MATCAP2: variants seen among roughly 807,000 people sequenced by gnomAD.
The protein encoded by MATCAP2 is putative tyrosine carboxypeptidase MATCAP2.
chr7:36,390,054 T>A, the MATCAP2 span: 1 of 1,613,658 alleles, frequency 6.2e-7, no homozygotes. Context: ...GGTGAGTGAG[T>A]TTGCGGGTGC....
the MATCAP2 span, among the ~76,000 whole-genome samples, chr7:36,357,924 C>T: frequency 2.0e-5 from 3 of 152,080 alleles, no homozygotes; most frequent in Admixed American, 6.5e-5. Flanking sequence ...TTTGGCTGGG[C>T]GCAGTGGCTC....
At chr7:36,381,238 C>G in the MATCAP2 span, among the ~76,000 whole-genome samples, 3 of 152,020 alleles carry the variant, frequency 2.0e-5, no homozygotes, top group Non-Finnish European at 2.9e-5. Flanking sequence ...ATCAGGAGAC[C>G]AGGTTTGGGG....
At chr7:36,390,235 G>T in the MATCAP2 span, 1 of 858,766 alleles carries the variant, frequency 1.2e-6, no homozygotes, top group Non-Finnish European at 1.8e-6. Context: ...AGATTTTGTT[G>T]TTTCGGTCCT....
the MATCAP2 span, among the ~76,000 whole-genome samples, chr7:36,353,396 G>A: frequency 3.3e-5 from 5 of 151,938 alleles, no homozygotes; most frequent in Non-Finnish European, 1.5e-5. Flanking sequence ...TGTTGGCAAA[G>A]CTTTAGTACT....
chr7:36,326,967 A>C, the MATCAP2 span: 4 of 1,513,354 alleles, frequency 2.6e-6, no homozygotes, highest in Middle Eastern at 3.5e-4. Context: ...TACAATGTAC[A>C]TTTTAAGGAT....
chr7:36,359,322 T>A, the MATCAP2 span, among the ~76,000 whole-genome samples: 2 of 152,096 alleles, frequency 1.3e-5, no homozygotes, highest in African/African-American at 4.8e-5. Context: ...TAGGACAATC[T>A]CCCACAACAA....
At chr7:36,326,529 T>C in the MATCAP2 span, 32 of 318,020 alleles carry the variant, frequency 1.0e-4, no homozygotes, top group Non-Finnish European at 1.7e-4. Flanking sequence ...TTCATCTGAC[T>C]CTGTCGAGAT....
chr7:36,334,522 C>G, the MATCAP2 span, among the ~76,000 whole-genome samples: 1 of 112,010 alleles, frequency 8.9e-6, no homozygotes, highest in Non-Finnish European at 1.7e-5. Context: ...GGCGACAGAC[C>G]GAGATCCCAT....
chr7:36,375,664 T>A, the MATCAP2 span, among the ~76,000 whole-genome samples: 2 of 152,236 alleles, frequency 1.3e-5, no homozygotes, highest in Non-Finnish European at 1.5e-5. Context: ...GAAGGAATGG[T>A]ACCAGCTCCT....
chr7:36,366,753 C>T, the MATCAP2 span: 22 of 1,535,022 alleles, frequency 1.4e-5, no homozygotes, highest in South Asian at 2.4e-4. Flanking sequence ...CTTCCCTCCA[C>T]AGGTTTTTCG....
At chr7:36,361,524 A>G in the MATCAP2 span, among the ~76,000 whole-genome samples, 1 of 152,228 alleles carries the variant, frequency 6.6e-6, no homozygotes, top group South Asian at 2.1e-4. Flanking sequence ...TACAAACAAA[A>G]GAAAGGCCAA....
the MATCAP2 span, among the ~76,000 whole-genome samples, chr7:36,351,776 G>GA: frequency 6.6e-6 from 1 of 151,556 alleles, no homozygotes; most frequent in East Asian, 1.9e-4. Flanking sequence ...GCAAAATCCT[G>GA]TTTGTACAAA....
chr7:36,353,638 G>A, the MATCAP2 span, among the ~76,000 whole-genome samples: 2 of 151,702 alleles, frequency 1.3e-5, no homozygotes, highest in Non-Finnish European at 2.9e-5. Flanking sequence ...CCACCACCAC[G>A]CCCAGCTAAT....
the MATCAP2 span, among the ~76,000 whole-genome samples, chr7:36,379,059 T>C: frequency 6.6e-6 from 1 of 152,236 alleles, no homozygotes; most frequent in African/African-American, 2.4e-5. Flanking sequence ...ACTTCCTGGG[T>C]GAGGTGATGC....
the MATCAP2 span, among the ~76,000 whole-genome samples, chr7:36,347,605 CA>C: frequency 6.6e-6 from 1 of 152,304 alleles, no homozygotes; most frequent in South Asian, 2.1e-4. Context: ...ATTTACCCCA[CA>C]GAGTTGTGAA....
chr7:36,357,246 C>T, the MATCAP2 span: 2 of 1,614,130 alleles, frequency 1.2e-6, no homozygotes, highest in Admixed American at 1.7e-5. Flanking sequence ...GAACTAGTGA[C>T]AAAAACAGCA....
At chr7:36,335,222 A>T in the MATCAP2 span, 1 of 1,583,196 alleles carries the variant, frequency 6.3e-7, no homozygotes, top group Non-Finnish European at 8.7e-7. Flanking sequence ...AACAAAACAT[A>T]AAGGTAAGGG....
the MATCAP2 span, among the ~76,000 whole-genome samples, chr7:36,382,077 G>A: frequency 1.3e-5 from 2 of 151,886 alleles, no homozygotes; most frequent in Non-Finnish European, 2.9e-5. Context: ...CAGATCACCT[G>A]AGGTCAGGAG....
the MATCAP2 span, among the ~76,000 whole-genome samples, chr7:36,367,899 AC>A: frequency 6.6e-6 from 1 of 152,128 alleles, no homozygotes; most frequent in Admixed American, 6.5e-5. Context: ...ACCCATCTCT[AC>A]TAAAAACACA....
Sources: gnomAD v4.1 joint callset for allele counts (sites outside exome capture counted in the v4.1 genomes callset) on GRCh38, gnomAD v4.1.1 for gene constraint, MANE v1.5 for transcripts, NCBI Gene and HGNC (gene_info 2026-07-23, HGNC 2026-07-21) for gene names.